The following ITGA10 variants were observed in gnomAD, a reference collection of about 807,000 sequenced individuals.
ITGA10 encodes integrin subunit alpha 10, also known as integrin alpha-10.
A neutral mutation model predicts 145.2 loss-of-function variants in ITGA10; 105 were observed. That is an observed-to-expected ratio of 0.72 (90% CI 0.62 to 0.85). ITGA10 has a LOEUF of 0.85. Ranked by LOEUF, ITGA10 falls within the 40% of genes least tolerant of loss-of-function variation. The pLI, the probability that ITGA10 is intolerant of heterozygous loss-of-function variation, is 0.00. For synonymous variants in ITGA10, 506 were observed against 557.8 expected (o/e 0.91, Z 1.31); for missense variants, 1,317 against 1,444.5 (o/e 0.91, Z 1.43).
intron 7 of ITGA10, 147 bp from the exon 8 acceptor site, chr1:145,903,108 C>G (rs1399644091): frequency 1.4e-6 from 1 of 729,578 alleles, no homozygotes; most frequent in South Asian, 2.3e-5. Flanking sequence ...GGCATCTTGC[C>G]TTTTAGGCCA....
At chr1:145,905,923 T>G (rs1559212339) in intron 5 of ITGA10, 1 of 157,782 alleles carries the variant, frequency 6.3e-6, no homozygotes, top group Non-Finnish European at 1.4e-5. Context: ...ATTATTATTA[T>G]TATTATTTTT....
intron 5 of ITGA10, 167 bp downstream of exon 5, chr1:145,906,227 C>G (rs1171889123): frequency 3.5e-6 from 2 of 575,888 alleles, no homozygotes; most frequent in Admixed American, 6.0e-5. Context: ...CCACACCTGG[C>G]CAGGAGTCTG....
chr1:145,903,967 C>T (rs587683517), intron 7 of ITGA10, 85 bp downstream of exon 7: 37 of 1,503,528 alleles, frequency 2.5e-5, no homozygotes, highest in South Asian at 4.6e-5. Flanking sequence ...GGATTACAGG[C>T]GTGAGCCACC....
chr1:145,903,503 A>G (rs1464037691), intron 7 of ITGA10, among the ~76,000 whole-genome samples: 3 of 152,154 alleles, frequency 2.0e-5, no homozygotes, highest in African/African-American at 7.2e-5. Context: ...AGACATAGAT[A>G]CTTTGTAGAA....
At position 145,902,622 on chromosome 1, in the gene ITGA10, A is replaced by C. The variant is rs1553749385; in HGVS notation, c.910-3T>G. Reference sequence around the variant, plus strand: ...CGCCGGAGGTAGTGACCAAGGACCTAAGAGGTCATAAGATCAAGGAATGAG... The same window carrying C: ...CGCCGGAGGTAGTGACCAAGGACCTCAGAGGTCATAAGATCAAGGAATGAG... On this transcript the variant is annotated splice_polypyrimidine_tract_variant and splice_region_variant and intron_variant, in intron 8 of 29. Coordinates refer to ENST00000369304, the MANE Select transcript of ITGA10 (RefSeq NM_003637.5). The C allele has an allele frequency of 1.9e-6, 3 of 1,592,202 alleles. No homozygotes were observed. Among genetic ancestry groups the C allele is most frequent in the Admixed American group, 1.7e-5 (1 of 57,422 alleles).
intron 1 of ITGA10, among the ~76,000 whole-genome samples, chr1:145,908,192 G>A (rs1338477199): frequency 6.6e-6 from 1 of 152,092 alleles, no homozygotes; most frequent in Non-Finnish European, 1.5e-5. Context: ...AAAATAGGGG[G>A]AATGAAAGGA....
intron 26 of ITGA10, 32 bp from the exon 27 acceptor site, chr1:145,895,425 G>A (rs1553744568): frequency 6.4e-7 from 1 of 1,565,326 alleles, no homozygotes; most frequent in Admixed American, 1.7e-5. Context: ...GACAGATCAG[G>A]ACTCTGGGGT....
intron 17 of ITGA10, 21 bp from the exon 18 acceptor site, chr1:145,898,244 A>G (rs1279885197): frequency 7.0e-7 from 1 of 1,434,360 alleles, no homozygotes; most frequent in East Asian, 2.3e-5. Context: ...ACAGAGTCAC[A>G]GAGTCACAGA....
In ITGA10 at chr1:145,907,434, A is replaced by G; in HGVS notation, c.84T>C (p.His28=). The G allele has an allele frequency of 6.2e-7, 1 of 1,614,116 alleles. No individual in the cohort carries two copies. Residue 28 remains histidine (H), a synonymous_variant, in exon 2 of 30, where the codon CAT becomes CAC. Coordinates refer to ENST00000369304, the MANE Select transcript of ITGA10 (RefSeq NM_003637.5). ...GTGGCCCTGGGAATAGGCGTGGGTGATGTTCATCCAGGTTAAAGGGGGAGC... is the reference window on the plus strand; with the variant it reads ...GTGGCCCTGGGAATAGGCGTGGGTGGTGTTCATCCAGGTTAAAGGGGGAGC... ...GLCSPFNLDE[H]HPRLFPGPPE...
rs1553748087 is a variant in ITGA10 at position 145,901,011 on chromosome 1, A to G, written c.1588-18T>C. 6.2e-7 allele frequency: 1 copy of G among 1,613,892 alleles called. No homozygotes were observed. The highest frequency in any genetic ancestry group is 8.5e-7 in the Non-Finnish European group (1 of 1,179,882). ...AAGGACTGCTGGTGGAGGAGAGAAGATAGAAGATGCTAATCTGGCAGACCC... is the reference window on the plus strand; with the variant it reads ...AAGGACTGCTGGTGGAGGAGAGAAGGTAGAAGATGCTAATCTGGCAGACCC... On this transcript the variant is annotated intron_variant, in intron 13 of 29. Coordinates refer to ENST00000369304, the MANE Select transcript of ITGA10 (RefSeq NM_003637.5). The surrounding 1 kb of genome is among the most constrained non-coding windows in gnomAD (Gnocchi z 4.3).
At chr1:145,909,917 T>C (rs1657663531) in intron 1 of ITGA10, 46 bp downstream of exon 1, 2 of 1,519,644 alleles carry the variant, frequency 1.3e-6, no homozygotes, top group South Asian at 1.1e-5. Context: ...AAACAATCTA[T>C]GTATCTTCCA....
chr1:145,907,099 GTCCCCCCTCC>G lies in ITGA10; in HGVS notation c.206_215del (p.Arg69ProfsTer7). 1 of 1,564,932 alleles carries G rather than the reference GTCCCCCCTCC, an allele frequency of 6.4e-7. No homozygotes were observed. Among genetic ancestry groups the G allele is most frequent in the Non-Finnish European group, 8.7e-7 (1 of 1,154,326 alleles). On this transcript the variant is annotated frameshift_variant, in exon 3 of 30. Coordinates refer to ENST00000369304, the MANE Select transcript of ITGA10 (RefSeq NM_003637.5). LOFTEE classifies it high-confidence loss of function. ...CCCCCCCTACAGGGCAGCGATAAACGTCCCCCCTCCGGTCGCCTGAAGGCCCATCCCAGGG... is the reference window on the plus strand; with the variant it reads ...CCCCCCCTACAGGGCAGCGATAAACGGGTCGCCTGAAGGCCCATCCCAGGG...
In ITGA10 at chr1:145,901,005, G is replaced by C; in HGVS notation, c.1588-12C>G. 2.5e-6 allele frequency: 4 copies of C among 1,613,968 alleles called. No individual in the cohort carries two copies. Among genetic ancestry groups the C allele is most frequent in the Non-Finnish European group, 2.5e-6 (3 of 1,179,940 alleles). ...GTCAGCAAGGACTGCTGGTGGAGGA[G>C]AGAAGATAGAAGATGCTAATCTGGC... is the stretch of plus-strand genomic sequence containing the variant. On this transcript the variant is annotated splice_polypyrimidine_tract_variant and intron_variant, in intron 13 of 29. Transcript: ENST00000369304. This position sits in a 1 kb window ranked among gnomAD's most constrained non-coding sequence, Gnocchi z 4.3.
At chr1:145,909,081 T>C (rs1374614568) in intron 1 of ITGA10, among the ~76,000 whole-genome samples, 5 of 151,788 alleles carry the variant, frequency 3.3e-5, no homozygotes, top group African/African-American at 9.7e-5. Flanking sequence ...CGGGGGCGGA[T>C]TGCTTGAGTC....
chr1:145,897,986 G>T, intron 18 of ITGA10, 86 bp from the exon 19 acceptor site: 1 of 1,332,102 alleles, frequency 7.5e-7, no homozygotes, highest in Non-Finnish European at 1.1e-6. Context: ...GACAAAAGTG[G>T]GTATATTTTG....
chr1:145,904,182 C>T lies in ITGA10; in HGVS notation c.628G>A (p.Gly210Arg). Residue 210 changes from glycine (G) to arginine (R), a missense_variant, in exon 7 of 30, where the codon GGG becomes AGG. Transcript: ENST00000369304. The part of the protein sequence containing the change: ...EQIQVGLVQY[G>R]ESPVHEWSLG... The stretch of plus-strand genomic sequence containing the variant: ...GACCACTCATGTACAGGGCTCTCCC[C>T]ATACTGTACCAGTCCCACCTGGGAA... 1.9e-6 allele frequency: 3 copies of T among 1,614,152 alleles called. No individual in the cohort carries two copies. The highest frequency in any genetic ancestry group is 2.5e-6 in the Non-Finnish European group (3 of 1,180,016).
intron 18 of ITGA10, 72 bp downstream of exon 18, chr1:145,898,038 T>C (rs1048832253): frequency 7.5e-7 from 1 of 1,332,544 alleles, no homozygotes. Context: ...ATCTCATGTC[T>C]TCTCCCTCCC....
At chr1:145,895,946 G>A in intron 25 of ITGA10, 37 bp downstream of exon 25, 5 of 1,503,200 alleles carry the variant, frequency 3.3e-6, no homozygotes, top group South Asian at 1.1e-5. Context: ...ACCAGCTCAA[G>A]GTGGCAGGAT....
intron 5 of ITGA10, 148 bp from the exon 6 acceptor site, chr1:145,904,959 G>A (rs1656919833): frequency 5.4e-6 from 4 of 745,372 alleles, no homozygotes; most frequent in Non-Finnish European, 6.6e-6. Context: ...TGTAAGTGTA[G>A]AAATTAATAA....
Sources: allele counts gnomAD v4.1 joint callset (sites outside exome capture counted in the v4.1 genomes callset), GRCh38; gene constraint gnomAD v4.1.1; non-coding constraint Gnocchi (gnomAD v3.1); transcripts MANE v1.5; gene names NCBI Gene and HGNC (gene_info 2026-07-23, HGNC 2026-07-21).